Variants in SAMMSON observed in about 807,000 individuals in gnomAD.
SAMMSON encodes survival associated mitochondrial melanoma specific oncogenic non-coding RNA, also known as long intergenic non-protein coding RNA 1212.
intron 6 of SAMMSON, among the ~76,000 whole-genome samples, chr3:70,272,523 T>C (rs183289026): frequency 2.6e-5 from 4 of 152,372 alleles, no homozygotes; most frequent in Admixed American, 2.6e-4. Context: ...TGTTTGGATG[T>C]TTCCTGTTTT....
chr3:70,225,686 T>A (rs1701497743), intron 4 of SAMMSON, among the ~76,000 whole-genome samples: 1 of 152,212 alleles, frequency 6.6e-6, no homozygotes, highest in Non-Finnish European at 1.5e-5. Flanking sequence ...AGCAGTTTAG[T>A]GTTTCTTGAA....
downstream of SAMMSON, among the ~76,000 whole-genome samples, chr3:70,392,303 A>G (rs1328067607): frequency 6.6e-6 from 1 of 152,108 alleles, no homozygotes. Context: ...AGTAAGCACT[A>G]TTTTATCTCA....
rs573533376 is a variant in SAMMSON at position 70,303,945 on chromosome 3, G to A, written n.739+12702G>A. ...TGATCCATCCTCCTCAGCTTCTCAA[G>A]GTGCTGGAATTACAGGCATGAGCCA... On this transcript the variant is annotated intron_variant and non_coding_transcript_variant, in intron 7 of 9. Transcript: ENST00000642114. 8.5e-5 allele frequency among the ~76,000 whole-genome samples: 13 copies of A among 152,238 alleles called. No individual in the cohort carries two copies. The East Asian group carries it at 2.5e-3, about 29-fold the overall frequency.
At position 70,198,334 on chromosome 3, in the gene SAMMSON, T is replaced by C. The variant is rs140703053; in HGVS notation, n.508-50773T>C. ...TTCAGACTTTAGTCAATGGGGAGTA[T>C]ATAAGCATATAGAAGAGATTTTGCC... On this transcript the variant is annotated intron_variant and non_coding_transcript_variant, in intron 4 of 9. Transcript: ENST00000642114. Among the ~76,000 whole-genome samples the C allele has an allele frequency of 3.8e-3, 585 of 152,292 alleles. 3 individuals carry two copies. The highest frequency in any genetic ancestry group is 0.013 in the African/African-American group (556 of 41,576).
chr3:70,415,312 G>A (rs1701255247), intron 2 of SAMMSON, among the ~76,000 whole-genome samples: 1 of 152,028 alleles, frequency 6.6e-6, no homozygotes, highest in Non-Finnish European at 1.5e-5. Context: ...TTTTGTTTTT[G>A]TTTAGAAGCT....
intron 4 of SAMMSON, among the ~76,000 whole-genome samples, chr3:70,146,865 T>A (rs767274607): frequency 6.6e-6 from 1 of 151,932 alleles, no homozygotes; most frequent in Non-Finnish European, 1.5e-5. Flanking sequence ...GGCACTCATA[T>A]TGGAAAAGAA....
At chr3:70,320,088 C>A (rs902495481) in intron 7 of SAMMSON, among the ~76,000 whole-genome samples, 2 of 151,826 alleles carry the variant, frequency 1.3e-5, no homozygotes, top group African/African-American at 4.8e-5. Flanking sequence ...GTAGAGAATC[C>A]CAAACTTCCT....
intron 4 of SAMMSON, among the ~76,000 whole-genome samples, chr3:70,191,815 A>G (rs1464235141): frequency 6.6e-6 from 1 of 151,574 alleles, no homozygotes; most frequent in Admixed American, 6.6e-5. Context: ...TTGGCCTCAA[A>G]CCTTGTGATA....
At chr3:70,237,394 C>A (rs1167446208) in intron 4 of SAMMSON, among the ~76,000 whole-genome samples, 2 of 152,130 alleles carry the variant, frequency 1.3e-5, no homozygotes, top group Admixed American at 6.5e-5. Flanking sequence ...TAAAAAAGCC[C>A]ATTTCAGACT....
At chr3:70,285,284 A>G (rs1260057107) in intron 6 of SAMMSON, among the ~76,000 whole-genome samples, 1 of 135,022 alleles carries the variant, frequency 7.4e-6, no homozygotes, top group East Asian at 2.2e-4. Flanking sequence ...TTCAATTCCC[A>G]CCTATGAGTG....
At chr3:70,260,094 C>T (rs1701851514) in intron 6 of SAMMSON, among the ~76,000 whole-genome samples, 1 of 152,142 alleles carries the variant, frequency 6.6e-6, no homozygotes. Flanking sequence ...AAAACCCAAC[C>T]ATATCAATTG....
At chr3:70,174,227 T>C in intron 4 of SAMMSON, among the ~76,000 whole-genome samples, 1 of 152,174 alleles carries the variant, frequency 6.6e-6, no homozygotes, top group Non-Finnish European at 1.5e-5. Flanking sequence ...TTTATTAAGA[T>C]GGTATGAAGC....
At chr3:70,075,201 T>G (rs553605010) in intron 4 of SAMMSON, 1 of 152,040 alleles carries the variant, frequency 6.6e-6, no homozygotes, top group East Asian at 1.9e-4. Flanking sequence ...TTATCTAAAT[T>G]AGTGTACACA....
chr3:70,005,496 C>T (rs571903630), intron 1 of SAMMSON, among the ~76,000 whole-genome samples: 3 of 152,168 alleles, frequency 2.0e-5, no homozygotes, highest in Admixed American at 6.5e-5. Flanking sequence ...TTTTTTAGAG[C>T]GTGGCATCTG....
At chr3:70,134,334 A>G (rs1438147369) in intron 4 of SAMMSON, among the ~76,000 whole-genome samples, 1 of 151,616 alleles carries the variant, frequency 6.6e-6, no homozygotes. Flanking sequence ...ATACATAGAA[A>G]GTATTCAATA....
At chr3:70,259,875 T>C (rs1701849580) in intron 6 of SAMMSON, among the ~76,000 whole-genome samples, 1 of 151,744 alleles carries the variant, frequency 6.6e-6, no homozygotes. Flanking sequence ...TGGTGGAAGG[T>C]GGAGGGGAAG....
intron 8 of SAMMSON, among the ~76,000 whole-genome samples, chr3:70,355,119 A>G (rs1463371660): frequency 2.0e-5 from 3 of 152,174 alleles, no homozygotes; most frequent in Non-Finnish European, 4.4e-5. Context: ...ACTCTCGGGT[A>G]GGAGACTTCA....
intron 1 of SAMMSON, among the ~76,000 whole-genome samples, chr3:70,008,122 G>A (rs1267805402): frequency 2.0e-5 from 3 of 152,012 alleles, no homozygotes; most frequent in African/African-American, 4.8e-5. Context: ...TTGACTTGGC[G>A]ATGTGGGCTC....
chr3:70,003,001 G>C (rs568835671), intron 1 of SAMMSON, among the ~76,000 whole-genome samples: 1 of 151,984 alleles, frequency 6.6e-6, no homozygotes, highest in Admixed American at 6.6e-5. Context: ...TTATAATTCT[G>C]TTAATTTTTG....
Sources: gnomAD v4.1 joint callset for allele counts (sites outside exome capture counted in the v4.1 genomes callset) on GRCh38, gnomAD v4.1.1 for gene constraint, MANE v1.5 for transcripts, NCBI Gene and HGNC (gene_info 2026-07-23, HGNC 2026-07-21) for gene names.